The following EHBP1 variants were observed in gnomAD, a reference collection of about 807,000 sequenced individuals.
The protein encoded by EHBP1 is EH domain binding protein 1, also known as EH domain-binding protein 1.
In EHBP1, 55 loss-of-function variants were observed where a neutral mutation model predicts 144.0. That is an observed-to-expected ratio of 0.38 (90% CI 0.31 to 0.48). The LOEUF is 0.48. Ranked by LOEUF, EHBP1 falls within the 20% of genes least tolerant of loss-of-function variation. The pLI, the probability that EHBP1 is intolerant of heterozygous loss-of-function variation, is 0.98. For synonymous variants in EHBP1, 469 were observed against 472.7 expected (o/e 0.99, Z 0.10); for missense variants, 1,200 against 1,364.2 (o/e 0.88, Z 1.90).
chr2:62,795,840 A>G (rs1302171337), intron 5 of EHBP1, among the ~76,000 whole-genome samples: 3 of 152,052 alleles, frequency 2.0e-5, no homozygotes, highest in Admixed American at 2.0e-4. Context: ...TTAATAGATA[A>G]TAGCCTGAAG....
intron 1 of EHBP1, among the ~76,000 whole-genome samples, chr2:62,696,837 T>TA (rs2034119425): frequency 6.6e-6 from 1 of 152,096 alleles, no homozygotes. Context: ...TTTTAACATT[T>TA]AAAAAATCAC....
At chr2:62,747,527 T>C (rs2039273643) in intron 3 of EHBP1, 75 bp downstream of exon 3, 2 of 1,084,920 alleles carry the variant, frequency 1.8e-6, no homozygotes, top group Non-Finnish European at 2.7e-6. Context: ...CAGTGTAGAA[T>C]ATTTTAAAAT....
At chr2:62,973,269 A>G (rs745626474) in intron 14 of EHBP1, among the ~76,000 whole-genome samples, 68 of 152,346 alleles carry the variant, frequency 4.5e-4, no homozygotes, top group Non-Finnish European at 7.9e-4. Context: ...AATTCCAGCT[A>G]TGTAAGAAGT....
intron 9 of EHBP1, among the ~76,000 whole-genome samples, chr2:62,868,414 A>C (rs548721336): frequency 1.3e-5 from 2 of 152,172 alleles, no homozygotes; most frequent in Non-Finnish European, 2.9e-5. Flanking sequence ...AGAAGAGGAC[A>C]TAGGAAAAAG....
At position 62,993,557 on chromosome 2, in the gene EHBP1, C is replaced by G. The variant is rs141670000; in HGVS notation, c.2761C>G (p.Arg921Gly). Residue 921 changes from arginine (R) to glycine (G), a missense_variant, in exon 17 of 23, where the codon CGA (arginine) becomes GGA (glycine). By Grantham distance (125) the Arg-to-Gly change is moderately radical. Around this residue, in one of 6 missense-constraint regions of EHBP1, gnomAD observed 543 missense variants for 513.1 expected, o/e 1.06. Coordinates refer to ENST00000431489, the MANE Select transcript of EHBP1 (RefSeq NM_001142616.3). ...KSGTEDLRTERLQKTTERFRN... is the reference protein window; with the variant it reads ...KSGTEDLRTEGLQKTTERFRN... ...TGGCACAGAAGATCTCCGGACTGAA[C>G]GATTACAAAAAACAACAGAACGTTT... 6.3e-7 allele frequency: 1 copy of G among 1,594,620 alleles called. No individual in the cohort carries two copies. Among genetic ancestry groups the G allele is most frequent in the Non-Finnish European group, 8.6e-7 (1 of 1,167,798 alleles).
At chr2:62,977,839 G>C (rs532452297) in intron 14 of EHBP1, among the ~76,000 whole-genome samples, 2 of 152,284 alleles carry the variant, frequency 1.3e-5, no homozygotes, top group African/African-American at 4.8e-5. Flanking sequence ...CATAGAGGAA[G>C]GATTACTTTA....
At chr2:62,709,744 G>A (rs1031034671) in intron 2 of EHBP1, among the ~76,000 whole-genome samples, 4 of 151,414 alleles carry the variant, frequency 2.6e-5, no homozygotes, top group Non-Finnish European at 4.4e-5. Context: ...AAGTATTGGG[G>A]GTACTTAATA....
chr2:62,778,846 A>G lies in EHBP1; in HGVS notation c.312+7454A>G, dbSNP rs765756216. 5.3e-5 allele frequency among the ~76,000 whole-genome samples: 8 copies of G among 149,702 alleles called. No homozygotes were observed. In the East Asian group the frequency reaches 5.9e-4, roughly 11 times the overall value. On this transcript the variant is annotated intron_variant, in intron 5 of 22. Transcript: ENST00000431489. ...TCTTTCAGAGAAAAAAAGTATATAA[A>G]TGCTGCTTCTCTCCTTTAGTTGTTT...
At chr2:62,805,575 C>T (rs762900846) in intron 5 of EHBP1, among the ~76,000 whole-genome samples, 48 of 151,032 alleles carry the variant, frequency 3.2e-4, no homozygotes, top group African/African-American at 1.1e-3. Context: ...AGTATAGTGG[C>T]GCAGTCTTGG....
intron 10 of EHBP1, among the ~76,000 whole-genome samples, chr2:62,887,767 A>G (rs961674358): frequency 6.6e-6 from 1 of 152,146 alleles, no homozygotes; most frequent in African/African-American, 2.4e-5. Context: ...AGCTAGATAG[A>G]TGATAGCAAA....
At chr2:63,016,799 C>G (rs1409462956) in intron 19 of EHBP1, among the ~76,000 whole-genome samples, 1 of 152,166 alleles carries the variant, frequency 6.6e-6, no homozygotes, top group East Asian at 1.9e-4. Flanking sequence ...ACAATTGATT[C>G]TGCCACATCT....
At chr2:62,977,836 G>T (rs906386538) in intron 14 of EHBP1, among the ~76,000 whole-genome samples, 1 of 152,154 alleles carries the variant, frequency 6.6e-6, no homozygotes, top group Non-Finnish European at 1.5e-5. Context: ...TAACATAGAG[G>T]AAGGATTACT....
chr2:62,730,615 CT>C (rs1037778193), intron 2 of EHBP1, among the ~76,000 whole-genome samples: 4 of 149,250 alleles, frequency 2.7e-5, no homozygotes, highest in African/African-American at 7.4e-5. Context: ...ACATCTTTTT[CT>C]TTTTTTTTAG....
At chr2:62,964,727 A>C (rs1041493162) in intron 14 of EHBP1, among the ~76,000 whole-genome samples, 1 of 152,206 alleles carries the variant, frequency 6.6e-6, no homozygotes, top group Non-Finnish European at 1.5e-5. Context: ...TTCATAATCT[A>C]TTAGAACTTT....
chr2:62,807,296 C>A (rs1186758954), intron 5 of EHBP1, among the ~76,000 whole-genome samples: 1 of 152,160 alleles, frequency 6.6e-6, no homozygotes, highest in Non-Finnish European at 1.5e-5. Flanking sequence ...GCCTGTAATC[C>A]CAGCATTCTG....
intron 5 of EHBP1, among the ~76,000 whole-genome samples, chr2:62,778,384 A>C (rs1214797196): frequency 6.6e-6 from 1 of 152,008 alleles, no homozygotes; most frequent in South Asian, 2.1e-4. Context: ...TCTCTACAAA[A>C]TGTCAAAAAA....
chr2:62,898,064 A>G (rs2053088301), intron 10 of EHBP1, among the ~76,000 whole-genome samples: 1 of 152,196 alleles, frequency 6.6e-6, no homozygotes, highest in East Asian at 1.9e-4. Flanking sequence ...GTGAGCGGAA[A>G]GAAACAAGTT....
chr2:63,034,702 C>A (rs2061389259), intron 19 of EHBP1, among the ~76,000 whole-genome samples: 1 of 151,928 alleles, frequency 6.6e-6, no homozygotes, highest in Non-Finnish European at 1.5e-5. Context: ...TTACCGTATT[C>A]TCCTCTAGTG....
intron 2 of EHBP1, 82 bp downstream of exon 2, chr2:62,707,377 A>C: frequency 9.7e-7 from 1 of 1,033,972 alleles, no homozygotes; most frequent in Non-Finnish European, 1.5e-6. Context: ...CTGATAGTAT[A>C]TTTACCTTTC....
Sources: gnomAD v4.1 joint callset for allele counts (sites outside exome capture counted in the v4.1 genomes callset) on GRCh38, gnomAD v4.1.1 for gene constraint, gnomAD v4.1.1 regional missense constraint, MANE v1.5 for transcripts, NCBI Gene and HGNC (gene_info 2026-07-23, HGNC 2026-07-21) for gene names.